ROBO2: variants seen among roughly 807,000 people sequenced by gnomAD.
ROBO2 encodes the protein roundabout guidance receptor 2.
A neutral mutation model predicts 160.8 loss-of-function variants in ROBO2; 53 were observed. The ratio of observed to expected loss-of-function variants is 0.33; its 90% CI spans 0.26 to 0.41. ROBO2 has a LOEUF of 0.41. Ranked by LOEUF, ROBO2 falls within the 10% of genes least tolerant of loss-of-function variation. ROBO2 has a pLI of 1.00. For missense variants in ROBO2, 1,577 were observed against 1,722.4 expected (o/e 0.92, Z 1.49); for synonymous variants, 664 against 611.7 (o/e 1.09, Z -1.26).
At chr3:77,182,833 G>A (rs2080919625) in intron 2 of ROBO2, among the ~76,000 whole-genome samples, 1 of 151,894 alleles carries the variant, frequency 6.6e-6, no homozygotes, top group African/African-American at 2.4e-5. Flanking sequence ...GTGGATAAAT[G>A]GTATTATATG....
rs1444972619 is a variant in ROBO2 at position 76,141,137 on chromosome 3, CTCTCTCTCTCTCTCTCTCTCTCTATATA to C, written c.109+203537_109+203564del. On this transcript the variant is annotated intron_variant, in intron 2 of 26. Transcript: ENST00000487694. Reference sequence around the variant, plus strand: ...CCATGCTCTCTCTCTCTCTCTCTCTCTCTCTCTCTCTCTCTCTCTCTCTATATATATATATATATATATATATATATTT... The same window carrying C: ...CCATGCTCTCTCTCTCTCTCTCTCTCTATATATATATATATATATATATTT... Among the ~76,000 whole-genome samples, 5 of 58,456 alleles carry C rather than the reference CTCTCTCTCTCTCTCTCTCTCTCTATATA, an allele frequency of 8.6e-5. 1 individual carries two copies. The highest frequency in any genetic ancestry group is 3.6e-4 in the African/African-American group (5 of 13,762). 38.3% of individuals were successfully genotyped at this position (58,456 alleles called of 152,430 possible).
intron 2 of ROBO2, among the ~76,000 whole-genome samples, chr3:76,221,561 T>C (rs1703968570): frequency 6.6e-6 from 1 of 152,210 alleles, no homozygotes; most frequent in Admixed American, 6.5e-5. Flanking sequence ...GAAACTACTA[T>C]ATGTTGGAAA....
intron 2 of ROBO2, among the ~76,000 whole-genome samples, chr3:77,438,231 TGATA>T (rs1174934382): frequency 6.6e-6 from 1 of 150,478 alleles, no homozygotes; most frequent in African/African-American, 2.4e-5. Flanking sequence ...ATAGATTGAT[TGATA>T]GATTGATAGA....
chr3:76,715,177 A>G (rs1239378273), intron 2 of ROBO2, among the ~76,000 whole-genome samples: 1 of 152,140 alleles, frequency 6.6e-6, no homozygotes, highest in Non-Finnish European at 1.5e-5. Context: ...CCAAACCCAC[A>G]TTAATAGGTG....
intron 2 of ROBO2, among the ~76,000 whole-genome samples, chr3:76,938,644 A>G (rs1192770406): frequency 6.6e-6 from 1 of 151,928 alleles, no homozygotes; most frequent in Non-Finnish European, 1.5e-5. Context: ...GGTTGGATCT[A>G]TGGAGCTCAA....
At chr3:76,641,709 T>G (rs1373182833) in intron 2 of ROBO2, among the ~76,000 whole-genome samples, 1 of 152,146 alleles carries the variant, frequency 6.6e-6, no homozygotes, top group Non-Finnish European at 1.5e-5. Flanking sequence ...AACTTCTTGG[T>G]CTGGATAATT....
chr3:77,163,466 GTGT>G (rs1158883075), intron 2 of ROBO2, among the ~76,000 whole-genome samples: 2 of 152,160 alleles, frequency 1.3e-5, no homozygotes, highest in African/African-American at 4.8e-5. Context: ...GTCATATGTT[GTGT>G]TGTTGTGTTG....
intron 24 of ROBO2, 63 bp from the exon 27 acceptor site, chr3:77,644,641 T>G: frequency 7.0e-7 from 1 of 1,421,988 alleles, no homozygotes; most frequent in Non-Finnish European, 9.9e-7. Flanking sequence ...TATTCAAGAG[T>G]TAAGTTTAGT....
intron 2 of ROBO2, among the ~76,000 whole-genome samples, chr3:76,787,907 G>C (rs2063097315): frequency 6.6e-6 from 1 of 151,330 alleles, no homozygotes; most frequent in Non-Finnish European, 1.5e-5. Context: ...CATGATATTA[G>C]TATTACGTAT....
At chr3:77,324,424 G>A (rs1463563037) in intron 2 of ROBO2, among the ~76,000 whole-genome samples, 3 of 152,218 alleles carry the variant, frequency 2.0e-5, no homozygotes, top group South Asian at 2.1e-4. Flanking sequence ...TTGTGGCATC[G>A]AGTATAAAAG....
intron 2 of ROBO2, among the ~76,000 whole-genome samples, chr3:76,261,651 A>G (rs1471618125): frequency 6.6e-6 from 1 of 152,118 alleles, no homozygotes; most frequent in Admixed American, 6.6e-5. Flanking sequence ...AAATAAGTCT[A>G]AAATTATTTT....
At chr3:77,607,890 C>A (rs201356083) in exon 21 of ROBO2, 5 of 1,613,924 alleles carry the variant, frequency 3.1e-6, no homozygotes, top group East Asian at 4.5e-5. Context: ...TCTACCTCCC[C>A]CCCCAGTCCA....
intron 2 of ROBO2, among the ~76,000 whole-genome samples, chr3:76,290,905 G>T (rs1469307913): frequency 6.6e-6 from 1 of 152,090 alleles, no homozygotes; most frequent in East Asian, 1.9e-4. Flanking sequence ...ATGTGCAGCT[G>T]GATTCAGTTT....
chr3:76,320,134 C>A (rs1040229490), intron 2 of ROBO2, among the ~76,000 whole-genome samples: 45 of 151,962 alleles, frequency 3.0e-4, no homozygotes, highest in African/African-American at 9.9e-4. Context: ...TAATGAAATT[C>A]TTTTATAGAA....
At chr3:76,380,661 G>A (rs1489597255) in intron 2 of ROBO2, among the ~76,000 whole-genome samples, 5 of 152,046 alleles carry the variant, frequency 3.3e-5, no homozygotes, top group African/African-American at 1.2e-4. Context: ...TATGTTATCA[G>A]TATGGCTCCT....
At chr3:77,262,948 C>T (rs1428754282) in intron 2 of ROBO2, among the ~76,000 whole-genome samples, 1 of 152,146 alleles carries the variant, frequency 6.6e-6, no homozygotes, top group African/African-American at 2.4e-5. Flanking sequence ...ACTCTAAATA[C>T]TTTAATTCAT....
At chr3:76,969,777 T>A (rs1250619890) in intron 2 of ROBO2, among the ~76,000 whole-genome samples, 3 of 152,080 alleles carry the variant, frequency 2.0e-5, no homozygotes, top group Non-Finnish European at 4.4e-5. Flanking sequence ...TCTTAAGCTG[T>A]GATAAAACCA....
intron 1 of ROBO2, among the ~76,000 whole-genome samples, chr3:77,063,160 A>T (rs2066494171): frequency 6.6e-6 from 1 of 152,166 alleles, no homozygotes; most frequent in Non-Finnish European, 1.5e-5. Flanking sequence ...TGAGGGTGGG[A>T]GCAGGATCTA....
intron 2 of ROBO2, among the ~76,000 whole-genome samples, chr3:76,088,609 T>C (rs772407026): frequency 1.4e-4 from 22 of 152,098 alleles, no homozygotes; most frequent in Admixed American, 6.6e-5. Flanking sequence ...AACACATTTC[T>C]AAATTACCCA....
Sources: allele counts gnomAD v4.1 joint callset (sites outside exome capture counted in the v4.1 genomes callset), GRCh38; gene constraint gnomAD v4.1.1; transcripts MANE v1.5; gene names NCBI Gene and HGNC (gene_info 2026-07-23, HGNC 2026-07-21).